The following RPGRIP1L variants were observed in gnomAD, a reference collection of about 807,000 sequenced individuals.
RPGRIP1L encodes RPGRIP1 like, also known as protein fantom.
Under a neutral mutation model 160.4 loss-of-function variants are expected in RPGRIP1L, and 131 were observed. The observed-to-expected ratio is 0.82, with a 90% CI of 0.71 to 0.94. RPGRIP1L has a LOEUF of 0.94. Ranked by LOEUF, RPGRIP1L falls within the 40% of genes least tolerant of loss-of-function variation. The probability of loss-of-function intolerance (pLI) is 0.00; values close to 1 mark genes in which losing one functional copy is unlikely to be tolerated. For synonymous variants in RPGRIP1L, 510 were observed against 515.8 expected, an observed-to-expected ratio of 0.99 and a Z score of 0.15; for missense variants, 1,522 against 1,535.8, an observed-to-expected ratio of 0.99 and a Z score of 0.15.
At chr16:53,693,866 A>T (rs1970556891) in intron 3 of RPGRIP1L, 1 of 152,248 alleles carries the variant, frequency 6.6e-6, no homozygotes, top group Admixed American at 6.5e-5. Context: ...TTTCTGTTAC[A>T]GAGAGACTTT....
chr16:53,636,381 C>T, intron 22 of RPGRIP1L, 58 bp downstream of exon 22: 1 of 1,134,126 alleles, frequency 8.8e-7, no homozygotes, highest in Non-Finnish European at 1.3e-6. Flanking sequence ...TACATATGTA[C>T]TGTGAATGAA....
At chr16:53,674,985 T>C (rs1224546311) in intron 7 of RPGRIP1L, 32 bp downstream of exon 7, 1 of 1,420,822 alleles carries the variant, frequency 7.0e-7, no homozygotes, top group Non-Finnish European at 9.9e-7. Flanking sequence ...TGCATCTCTG[T>C]AACATTGTAA....
chr16:53,673,006 G>A lies in RPGRIP1L; in HGVS notation c.893C>T (p.Thr298Ile), dbSNP rs1260500377. 6.2e-7 allele frequency: 1 copy of A among 1,612,710 alleles called. No individual in the cohort carries two copies. Among genetic ancestry groups the A allele is most frequent in the African/African-American group, 1.3e-5 (1 of 75,014 alleles). The change falls in exon 8 of 27, where the codon ACT (threonine) becomes ATT (isoleucine). Residue 298 changes from threonine (T) to isoleucine (I), a missense_variant. By Grantham distance (89) the Thr-to-Ile change is moderately conservative. Coordinates refer to ENST00000647211, the MANE Select transcript of RPGRIP1L (RefSeq NM_015272.5). ...CAAAGCATCGTGGCTGATTCTGAGA[G>A]TTCTTTGCTTCTAAAAGATAAAAAG... is the stretch of plus-strand genomic sequence containing the variant. Reference protein sequence around the residue: ...KFIQLQEKQRTLRISHDALMA... With the variant: ...KFIQLQEKQRILRISHDALMA...
chr16:53,675,200 AT>A, intron 6 of RPGRIP1L, 78 bp from the exon 7 acceptor site: 1 of 857,002 alleles, frequency 1.2e-6, no homozygotes. Context: ...TGGAATCACA[AT>A]TTTTCAACTA....
chr16:53,669,704 G>A (rs984230717), intron 9 of RPGRIP1L, among the ~76,000 whole-genome samples: 3 of 152,082 alleles, frequency 2.0e-5, no homozygotes, highest in Non-Finnish European at 4.4e-5. Context: ...TATTTAGACT[G>A]TGTAAATTAT....
At chr16:53,607,201 T>C (rs1963744777) in intron 25 of RPGRIP1L, among the ~76,000 whole-genome samples, 1 of 152,208 alleles carries the variant, frequency 6.6e-6, no homozygotes, top group Non-Finnish European at 1.5e-5. Flanking sequence ...ATACTTATCT[T>C]ACAGGGCTCT....
chr16:53,669,671 G>A (rs1028363803), intron 9 of RPGRIP1L, among the ~76,000 whole-genome samples: 1 of 151,910 alleles, frequency 6.6e-6, no homozygotes, highest in South Asian at 2.1e-4. Context: ...TGGAAGTAAT[G>A]GCCATATGGC....
rs572989919 is a variant in RPGRIP1L at position 53,687,794 on chromosome 16, G to A, written c.632+69C>T. 2.8e-5 allele frequency: 26 copies of A among 927,328 alleles called. No individual in the cohort carries two copies. In the African/African-American group the frequency reaches 3.7e-4, roughly 13 times the overall value. 57.4% of individuals were successfully genotyped at this position (927,328 alleles called of 1,614,324 possible). A position where few individuals can be genotyped will look rare whatever the true frequency, so the allele number is the denominator to read the frequency against. The stretch of plus-strand genomic sequence containing the variant: ...CTGTTTACATATAAATAAAGGAAAG[G>A]GAAGGATAAAAAAAAAAGACATTAT... On this transcript the variant is annotated intron_variant, in intron 5 of 26. Coordinates refer to ENST00000647211, the MANE Select transcript of RPGRIP1L (RefSeq NM_015272.5).
At chr16:53,675,777 A>G (rs900357387) in intron 6 of RPGRIP1L, among the ~76,000 whole-genome samples, 1 of 152,186 alleles carries the variant, frequency 6.6e-6, no homozygotes, top group African/African-American at 2.4e-5. Flanking sequence ...ATATGTTACA[A>G]TACTATTTTG....
intron 6 of RPGRIP1L, among the ~76,000 whole-genome samples, chr16:53,682,458 T>C (rs187494410): frequency 6.6e-6 from 1 of 152,322 alleles, no homozygotes; most frequent in East Asian, 1.9e-4. Context: ...CTTCTGTTGC[T>C]CTAGTTTCAG....
chr16:53,680,243 C>A (rs1386834593), intron 6 of RPGRIP1L, among the ~76,000 whole-genome samples: 1 of 152,070 alleles, frequency 6.6e-6, no homozygotes, highest in Admixed American at 6.6e-5. Context: ...GAATTCTAAA[C>A]TGTTCAAAAT....
At position 53,658,793 on chromosome 16, in the gene RPGRIP1L, T is replaced by G. The variant is rs777834264; in HGVS notation, c.1329A>C (p.Lys443Asn). 26 of 1,603,104 alleles carry G rather than the reference T, an allele frequency of 1.6e-5. No individual in the cohort carries two copies. Among genetic ancestry groups the G allele is most frequent in the Non-Finnish European group, 2.0e-5 (23 of 1,172,560 alleles). The change falls in exon 11 of 27, where the codon AAA becomes AAC. Residue 443 changes from lysine to asparagine, a missense_variant. Physicochemically the swap from Lys to Asn is moderately conservative, Grantham distance 94. Transcript: ENST00000647211. ...TCACCTGGTTGTACAATTTTATGCG[T>G]TTTTTAAGTTCATCAAGTTGTTGCT... ...EQKQQLDELK[K>N]RIKLYNQEND... is the part of the protein sequence containing the mutation.
chr16:53,677,725 G>A lies in RPGRIP1L; in HGVS notation c.777-2603C>T, dbSNP rs142493682. 5.6e-3 allele frequency among the ~76,000 whole-genome samples: 848 copies of A among 152,234 alleles called. 7 individuals carry two copies. The highest frequency in any genetic ancestry group is 8.7e-3 in the Non-Finnish European group (592 of 68,010). ...GATGTTGTAGGCAACACGGAGCTAG[G>A]GTGTTTAGCTAAGTGACCAGTCCTA... On this transcript the variant is annotated intron_variant, in intron 6 of 26. Transcript: ENST00000647211.
At chr16:53,661,353 T>C (rs144292850) in intron 10 of RPGRIP1L, among the ~76,000 whole-genome samples, 111 of 151,850 alleles carry the variant, frequency 7.3e-4, no homozygotes, top group African/African-American at 2.5e-3. Context: ...TTTGAAGGTA[T>C]AGGTTAAATA....
At chr16:53,627,689 T>C (rs1207611551) in intron 22 of RPGRIP1L, among the ~76,000 whole-genome samples, 4 of 152,194 alleles carry the variant, frequency 2.6e-5, no homozygotes, top group Non-Finnish European at 5.9e-5. Context: ...TTTTTGGTTT[T>C]ATATTTGTGG....
chr16:53,701,853 A>C (rs118043015), intron 1 of RPGRIP1L: 2 of 152,206 alleles, frequency 1.3e-5, no homozygotes, highest in East Asian at 3.9e-4. Context: ...ATATCTTTTA[A>C]AGAGGGTTCA....
chr16:53,677,272 G>A (rs1969255703), intron 6 of RPGRIP1L, among the ~76,000 whole-genome samples: 1 of 152,110 alleles, frequency 6.6e-6, no homozygotes, highest in South Asian at 2.1e-4. Flanking sequence ...CAGCAGTAAT[G>A]TACTTTAAAC....
chr16:53,614,863 G>T (rs1426880884), intron 24 of RPGRIP1L, among the ~76,000 whole-genome samples: 1 of 152,130 alleles, frequency 6.6e-6, no homozygotes, highest in Non-Finnish European at 1.5e-5. Context: ...GATACAAACT[G>T]GTAGTCCAAA....
chr16:53,683,261 G>A (rs1045351437), intron 6 of RPGRIP1L, among the ~76,000 whole-genome samples: 1 of 151,862 alleles, frequency 6.6e-6, no homozygotes, highest in Non-Finnish European at 1.5e-5. Flanking sequence ...AAACTTGTTG[G>A]AAAGGAGAAA....
Sources: gnomAD v4.1 joint callset for allele counts (sites outside exome capture counted in the v4.1 genomes callset) on GRCh38, gnomAD v4.1.1 for gene constraint, MANE v1.5 for transcripts, NCBI Gene and HGNC (gene_info 2026-07-23, HGNC 2026-07-21) for gene names.